Variants in FHIT observed in about 807,000 individuals in gnomAD.
The protein encoded by FHIT is fragile histidine triad diadenosine triphosphatase.
Under a neutral mutation model 17.9 loss-of-function variants are expected in FHIT, and 19 were observed. That is an observed-to-expected ratio of 1.06 (90% CI 0.74 to 1.56). The LOEUF (loss-of-function observed/expected upper bound fraction) is 1.56, where lower values mean the gene tolerates loss of function less well. Ranked by LOEUF, FHIT falls within the 40% of genes most tolerant of loss-of-function variation. The probability of loss-of-function intolerance (pLI) is 0.00; values close to 1 mark genes in which losing one functional copy is unlikely to be tolerated. For synonymous variants in FHIT, 81 were observed against 69.7 expected, an observed-to-expected ratio of 1.16 and a Z score of -0.81; for missense variants, 248 against 189.2, an observed-to-expected ratio of 1.31 and a Z score of -1.82.
At chr3:60,449,929 G>A (rs1309033976) in intron 5 of FHIT, among the ~76,000 whole-genome samples, 2 of 149,350 alleles carry the variant, frequency 1.3e-5, no homozygotes, top group African/African-American at 5.0e-5. Context: ...CTTGAAACTG[G>A]GAGGCAGAGG....
intron 8 of FHIT, among the ~76,000 whole-genome samples, chr3:59,920,170 T>C (rs2107182726): frequency 6.6e-6 from 1 of 152,322 alleles, no homozygotes; most frequent in Admixed American, 6.5e-5. Flanking sequence ...AACAAATTCT[T>C]GGTAAGTACC....
chr3:61,179,900 T>G (rs1188086865), intron 2 of FHIT, among the ~76,000 whole-genome samples: 2 of 152,046 alleles, frequency 1.3e-5, no homozygotes, highest in African/African-American at 4.8e-5. Flanking sequence ...CATGATGACT[T>G]TGGGAAAATT....
chr3:61,227,637 G>C (rs551727538), intron 1 of FHIT, among the ~76,000 whole-genome samples: 1 of 152,130 alleles, frequency 6.6e-6, no homozygotes, highest in Admixed American at 6.5e-5. Context: ...AGAAGAAAAA[G>C]GTTCTTTTTC....
At chr3:59,989,627 A>G (rs370910959) in intron 7 of FHIT, among the ~76,000 whole-genome samples, 2 of 152,200 alleles carry the variant, frequency 1.3e-5, no homozygotes, top group African/African-American at 4.8e-5. Flanking sequence ...ATACCTAAGT[A>G]ACAGGAAGAG....
chr3:59,806,664 A>ATATG (rs1700212354), intron 8 of FHIT, among the ~76,000 whole-genome samples: 1 of 21,720 alleles, frequency 4.6e-5, no homozygotes, highest in Admixed American at 6.4e-4. Context: ...ATATGTATAC[A>ATATG]TATATATGTG....
At chr3:60,724,531 C>T (rs1553708838) in intron 4 of FHIT, among the ~76,000 whole-genome samples, 1 of 151,858 alleles carries the variant, frequency 6.6e-6, no homozygotes, top group Non-Finnish European at 1.5e-5. Context: ...ATATGTTTAA[C>T]TTTTAGGACA....
rs546246433 is a variant in FHIT at position 59,909,065 on chromosome 3, G to A, written c.348+13281C>T. Among the ~76,000 whole-genome samples the A allele has an allele frequency of 2.6e-5, 4 of 151,728 alleles. No homozygotes were observed. The South Asian group carries it at 6.3e-4, about 24-fold the overall frequency. ...TTTTATTTTTTTGAGACAGAGTCTC[G>A]CTCTGTCACCCAGGATGGAATGCAG... On this transcript the variant is annotated intron_variant, in intron 8 of 9. Coordinates refer to ENST00000492590, the MANE Select transcript of FHIT (RefSeq NM_002012.4).
chr3:59,891,015 CA>C (rs1320444707), intron 8 of FHIT, among the ~76,000 whole-genome samples: 2 of 152,194 alleles, frequency 1.3e-5, no homozygotes, highest in Non-Finnish European at 2.9e-5. Context: ...GATTTAATTA[CA>C]CAAGCATGCA....
At chr3:60,143,176 G>A (rs956369221) in intron 5 of FHIT, among the ~76,000 whole-genome samples, 2 of 152,198 alleles carry the variant, frequency 1.3e-5, no homozygotes, top group African/African-American at 4.8e-5. Context: ...CAAATCTTCA[G>A]AGGGGCACAT....
At chr3:61,187,704 A>G (rs1331614751) in intron 2 of FHIT, among the ~76,000 whole-genome samples, 2 of 152,234 alleles carry the variant, frequency 1.3e-5, no homozygotes, top group Non-Finnish European at 2.9e-5. Flanking sequence ...CAGCAAATGT[A>G]AAAGAACAGA....
intron 2 of FHIT, among the ~76,000 whole-genome samples, chr3:61,089,180 T>C (rs1332060221): frequency 6.6e-6 from 1 of 152,070 alleles, no homozygotes; most frequent in African/African-American, 2.4e-5. Context: ...GGCTCTTGTG[T>C]CAGACTACCA....
chr3:59,934,866 C>A (rs781370640), intron 7 of FHIT, among the ~76,000 whole-genome samples: 1 of 152,132 alleles, frequency 6.6e-6, no homozygotes, highest in African/African-American at 2.4e-5. Flanking sequence ...CCTGGTCCCA[C>A]CCATGACACA....
intron 5 of FHIT, among the ~76,000 whole-genome samples, chr3:60,391,187 C>A (rs116276724): frequency 0.01 from 1,079 of 105,928 alleles, 9 homozygotes; most frequent in African/African-American, 0.032. Flanking sequence ...GACCGTCTGA[C>A]AAAACAAAAC....
intron 8 of FHIT, among the ~76,000 whole-genome samples, chr3:59,899,820 T>C (rs1704244077): frequency 6.6e-6 from 1 of 152,092 alleles, no homozygotes; most frequent in African/African-American, 2.4e-5. Flanking sequence ...CACTCCAGCC[T>C]GGGTGAGAAA....
chr3:61,053,897 A>G (rs1015842992), intron 2 of FHIT, among the ~76,000 whole-genome samples: 1 of 152,200 alleles, frequency 6.6e-6, no homozygotes, highest in Non-Finnish European at 1.5e-5. Context: ...ACAGGTCCCA[A>G]ATCAATAAGC....
chr3:60,870,945 A>C (rs1553754883), intron 3 of FHIT, among the ~76,000 whole-genome samples: 1 of 152,176 alleles, frequency 6.6e-6, no homozygotes. Flanking sequence ...GACATTGTCA[A>C]CATGGACCCC....
chr3:60,102,736 T>A (rs1704244626), intron 5 of FHIT, among the ~76,000 whole-genome samples: 2 of 152,240 alleles, frequency 1.3e-5, no homozygotes, highest in Admixed American at 1.3e-4. Context: ...ATTCCTAGGC[T>A]CATAAAGACC....
rs539451588 is a variant in FHIT at position 60,264,397 on chromosome 3, T to G, written c.104-250245A>C. The stretch of plus-strand genomic sequence containing the variant: ...TCATATTACATATAACAAGGACCAG[T>G]AGCTAGAAAAGCTAAAGCTTAAAAA... On this transcript the variant is annotated intron_variant, in intron 5 of 9. Coordinates refer to ENST00000492590, the MANE Select transcript of FHIT (RefSeq NM_002012.4). 2.9e-3 allele frequency among the ~76,000 whole-genome samples: 447 copies of G among 151,850 alleles called. 1 individual carries two copies. Among genetic ancestry groups the G allele is most frequent in the Non-Finnish European group, 4.6e-3 (314 of 67,866 alleles).
chr3:60,910,480 T>G (rs1425033404), intron 3 of FHIT, among the ~76,000 whole-genome samples: 1 of 151,722 alleles, frequency 6.6e-6, no homozygotes, highest in African/African-American at 2.4e-5. Flanking sequence ...GGCGCAATCT[T>G]GGCTCACTGC....
Sources: gnomAD v4.1 joint callset for allele counts (sites outside exome capture counted in the v4.1 genomes callset) on GRCh38, gnomAD v4.1.1 for gene constraint, MANE v1.5 for transcripts, NCBI Gene and HGNC (gene_info 2026-07-23, HGNC 2026-07-21) for gene names.